CRYL1: variants seen among roughly 807,000 people sequenced by gnomAD.
CRYL1 encodes the protein lambda-crystallin homolog.
CRYL1 carries 29 observed loss-of-function variants against 36.6 expected under a neutral mutation model. That is an observed-to-expected ratio of 0.79 (90% CI 0.59 to 1.08). The LOEUF is 1.08. Ranked by LOEUF, CRYL1 falls within the 50% of genes least tolerant of loss-of-function variation. The pLI is 0.00. For synonymous variants in CRYL1, 152 were observed against 151.5 expected (o/e 1.00, Z -0.02); for missense variants, 411 against 407.9 (o/e 1.01, Z -0.06).
chr13:20,408,796 T>C (rs1165835928), intron 6 of CRYL1, among the ~76,000 whole-genome samples: 3 of 151,982 alleles, frequency 2.0e-5, no homozygotes, highest in Admixed American at 2.0e-4. Flanking sequence ...TTACAAGGGA[T>C]GTGAAGGACC....
chr13:20,413,440 T>C (rs1565955838), intron 5 of CRYL1, 53 bp from the exon 6 acceptor site: 11 of 1,106,464 alleles, frequency 9.9e-6, no homozygotes, highest in African/African-American at 6.2e-5. Context: ...GACAATTTCA[T>C]GACCACCACT....
In CRYL1 at chr13:20,525,776, C is replaced by A. The variant is rs1371478876; in HGVS notation, c.19G>T (p.Gly7Cys). MASSAAGCVVIVGSGVI... is the reference protein window; with the variant it reads MASSAACCVVIVGSGVI... ...TACCTGCCAACGATCACCACGCAGC[C>A]GGCCGCGGAGGACGCCATGGTTGGG... The change falls in exon 1 of 8, where the codon GGC becomes TGC. Residue 7 changes from glycine (G) to cysteine (C), a missense_variant. Transcript: ENST00000298248. The surrounding 1 kb of genome is among the most constrained non-coding windows in gnomAD (Gnocchi z 4.3). The A allele has an allele frequency of 7.7e-7, 1 of 1,292,506 alleles. No individual in the cohort carries two copies. Among genetic ancestry groups the A allele is most frequent in the East Asian group, 3.2e-5 (1 of 31,738 alleles). The allele number at this position is 1,292,506 out of a possible 1,614,324, so 80.1% of individuals were successfully genotyped here.
In CRYL1 at chr13:20,426,671, T is replaced by C. The variant is rs961162601; in HGVS notation, c.633+5431A>G. 4.1e-6 allele frequency: 4 copies of C among 984,842 alleles called. No homozygotes were observed. The East Asian group carries it at 3.4e-4, about 84-fold the overall frequency. The allele number at this position is 984,842 out of a possible 1,614,324, so 61.0% of individuals were successfully genotyped here. ...TACAAATGATATTCAACAGAAACCT[T>C]TGAATAAGTTTGCCACAAAAAAGCC... On this transcript the variant is annotated intron_variant, in intron 5 of 7. Transcript: ENST00000298248.
At chr13:20,466,002 T>C (rs1160708779) in intron 3 of CRYL1, among the ~76,000 whole-genome samples, 1 of 150,738 alleles carries the variant, frequency 6.6e-6, no homozygotes, top group Non-Finnish European at 1.5e-5. Flanking sequence ...ATGTGATCTC[T>C]ACACACATCA....
At chr13:20,431,290 C>A (rs577035764) in intron 5 of CRYL1, 1 of 985,290 alleles carries the variant, frequency 1.0e-6, no homozygotes, top group Non-Finnish European at 1.2e-6. Context: ...GCAGATGACT[C>A]GAGCCCGAGC....
chr13:20,439,529 A>AT, intron 4 of CRYL1, 64 bp downstream of exon 4: 30 of 842,784 alleles, frequency 3.6e-5, no homozygotes, highest in South Asian at 4.6e-5. Context: ...AAAAAAAAAA[A>AT]AGAAAAAAAA....
intron 3 of CRYL1, chr13:20,472,982 G>C (rs964954995): frequency 6.6e-6 from 1 of 152,260 alleles, no homozygotes; most frequent in African/African-American, 2.4e-5. Context: ...GCCTCTTCTT[G>C]CCATCGGGAT....
At position 20,517,732 on chromosome 13, in the gene CRYL1, C is replaced by T. The variant is rs527651812; in HGVS notation, c.42-5182G>A. Among the ~76,000 whole-genome samples, 14 of 152,052 alleles carry T rather than the reference C, an allele frequency of 9.2e-5. No homozygotes were observed. In the South Asian group the frequency reaches 2.5e-3, roughly 27 times the overall value. On this transcript the variant is annotated intron_variant, in intron 1 of 7. Transcript: ENST00000298248. ...CGGGTGGATCACGAGGGCAGGAGATCGAGACCAACCTGGCTAACATGGTGA... is the reference window on the plus strand; with the variant it reads ...CGGGTGGATCACGAGGGCAGGAGATTGAGACCAACCTGGCTAACATGGTGA...
At chr13:20,459,867 G>A (rs1049717268) in intron 3 of CRYL1, among the ~76,000 whole-genome samples, 1 of 152,070 alleles carries the variant, frequency 6.6e-6, no homozygotes, top group Non-Finnish European at 1.5e-5. Flanking sequence ...GAAAAAGAAA[G>A]AATAAAAATA....
chr13:20,415,732 A>G lies in CRYL1; in HGVS notation c.634-2345T>C, dbSNP rs1241689590. Among the ~76,000 whole-genome samples the G allele has an allele frequency of 6.6e-6, 1 of 151,622 alleles. No homozygotes were observed. Among genetic ancestry groups the G allele is most frequent in the Non-Finnish European group, 1.5e-5 (1 of 67,880 alleles). ...CCCGCTTCTAGAGGCCCGCACCCTG[A>G]CTCCTGCAATTGCGGCTTTCCCGCT... is the stretch of plus-strand genomic sequence containing the variant. On this transcript the variant is annotated intron_variant, in intron 5 of 7. Transcript: ENST00000298248. This position sits in a 1 kb window ranked among gnomAD's most constrained non-coding sequence, Gnocchi z 4.1.
intron 6 of CRYL1, among the ~76,000 whole-genome samples, chr13:20,407,926 C>T (rs1291721344): frequency 2.0e-5 from 3 of 152,162 alleles, no homozygotes; most frequent in South Asian, 4.1e-4. Flanking sequence ...AGGCCTTAAC[C>T]CCAGCCCGAG....
intron 2 of CRYL1, among the ~76,000 whole-genome samples, chr13:20,510,095 G>A (rs1396428402): frequency 6.6e-6 from 1 of 152,162 alleles, no homozygotes; most frequent in Non-Finnish European, 1.5e-5. Flanking sequence ...TTGGAAGGCA[G>A]TTTTGCAATT....
rs932973819 is a variant in CRYL1, at chr13:20,435,113, G to A, written c.439-2817C>T. 1.3e-5 allele frequency among the ~76,000 whole-genome samples: 2 copies of A among 152,162 alleles called. No individual in the cohort carries two copies. Among genetic ancestry groups the A allele is most frequent in the African/African-American group, 2.4e-5 (1 of 41,436 alleles). On this transcript the variant is annotated intron_variant, in intron 4 of 7. Transcript: ENST00000298248. This position sits in a 1 kb window ranked among gnomAD's most constrained non-coding sequence, Gnocchi z 4.0. ...GGGTAGGAGGTTCAGTCTTATAAGA[G>A]GAGAAAGTTCCATGGATTGTTGGTG...
intron 2 of CRYL1, among the ~76,000 whole-genome samples, chr13:20,491,112 GC>G (rs1436657299): frequency 1.3e-5 from 2 of 151,994 alleles, no homozygotes; most frequent in Admixed American, 1.3e-4. Flanking sequence ...TCGCCATGTT[GC>G]CCAGGTTGAT....
chr13:20,517,937 A>AG (rs1467170202), intron 1 of CRYL1, among the ~76,000 whole-genome samples: 2 of 118,588 alleles, frequency 1.7e-5, no homozygotes, highest in South Asian at 4.1e-4. Context: ...CTCTGTCTCA[A>AG]GAAAAAAAAA....
intron 3 of CRYL1, among the ~76,000 whole-genome samples, chr13:20,478,666 G>A (rs112189059): frequency 0.022 from 3,289 of 152,078 alleles, 101 homozygotes; most frequent in African/African-American, 0.069. Flanking sequence ...TGGTAGAGAC[G>A]GTGTTTCACC....
At chr13:20,409,513 A>G (rs1357622079) in intron 6 of CRYL1, among the ~76,000 whole-genome samples, 1 of 150,624 alleles carries the variant, frequency 6.6e-6, no homozygotes, top group Non-Finnish European at 1.5e-5. Context: ...AATGGCAACA[A>G]AAGCCAAAAT....
intron 3 of CRYL1, among the ~76,000 whole-genome samples, chr13:20,451,942 C>T (rs760547270): frequency 7.2e-5 from 11 of 151,978 alleles, no homozygotes; most frequent in South Asian, 6.2e-4. Flanking sequence ...TGGAGGACTA[C>T]GCAGCTGTTG....
At position 20,474,178 on chromosome 13, in the gene CRYL1, G is replaced by A. The variant is rs1038027023; in HGVS notation, c.276+15192C>T. Reference sequence around the variant, plus strand: ...AACTGTTCCACTTAAAAGCATACAAGAGTCAGAATCTTAAGATGCTGACAA... The same window carrying A: ...AACTGTTCCACTTAAAAGCATACAAAAGTCAGAATCTTAAGATGCTGACAA... On this transcript the variant is annotated intron_variant, in intron 3 of 7. Transcript: ENST00000298248. 8.6e-5 allele frequency among the ~76,000 whole-genome samples: 13 copies of A among 152,040 alleles called. 1 individual carries two copies. Among genetic ancestry groups the A allele is most frequent in the Non-Finnish European group, 5.9e-5 (4 of 68,014 alleles).
Sources: gnomAD v4.1 joint callset for allele counts (sites outside exome capture counted in the v4.1 genomes callset) on GRCh38, gnomAD v4.1.1 for gene constraint, Gnocchi (gnomAD v3.1) non-coding constraint, MANE v1.5 for transcripts, NCBI Gene and HGNC (gene_info 2026-07-23, HGNC 2026-07-21) for gene names.